The following TLK1 variants were observed in gnomAD, a reference collection of about 807,000 sequenced individuals.
TLK1 encodes the protein serine/threonine-protein kinase tousled-like 1.
A neutral mutation model predicts 105.3 loss-of-function variants in TLK1; 24 were observed. That is an observed-to-expected ratio of 0.23 (90% CI 0.17 to 0.32). The LOEUF is 0.32. Among genes scored for constraint, TLK1 ranks in the 10% least tolerant of loss-of-function variants. The pLI is 1.00. For synonymous variants in TLK1, 321 were observed against 310.4 expected (o/e 1.03, Z -0.36); for missense variants, 558 against 910.5 (o/e 0.61, Z 4.98).
At chr2:170,998,627 T>C (rs1290745002) in intron 18 of TLK1, among the ~76,000 whole-genome samples, 1 of 152,208 alleles carries the variant, frequency 6.6e-6, no homozygotes, top group East Asian at 1.9e-4. Flanking sequence ...AATGCCTCTA[T>C]TATGGCATTA....
intron 1 of TLK1, among the ~76,000 whole-genome samples, chr2:171,206,778 G>A (rs1369247677): frequency 1.3e-5 from 2 of 152,140 alleles, no homozygotes; most frequent in African/African-American, 4.8e-5. Flanking sequence ...ATCTACAGAT[G>A]GCAAATAAGC....
intron 1 of TLK1, among the ~76,000 whole-genome samples, chr2:171,221,341 G>A (rs1693806724): frequency 6.6e-6 from 1 of 152,168 alleles, no homozygotes; most frequent in African/African-American, 2.4e-5. Context: ...GTCAGAGCTG[G>A]ATGCTCGGCG....
At chr2:171,132,056 C>T (rs10208271) in intron 1 of TLK1, among the ~76,000 whole-genome samples, 2 of 151,906 alleles carry the variant, frequency 1.3e-5, no homozygotes, top group Non-Finnish European at 2.9e-5. Flanking sequence ...CCATTGTATT[C>T]GTCCGTTCTC....
intron 14 of TLK1, among the ~76,000 whole-genome samples, chr2:171,007,695 A>G (rs898098584): frequency 1.3e-5 from 2 of 152,074 alleles, no homozygotes; most frequent in South Asian, 2.1e-4. Flanking sequence ...CAACCAGAGT[A>G]TTATTAAAAC....
rs368048851 is a variant in TLK1, at chr2:171,170,602, G to A, written c.-5-52745C>T. On this transcript the variant is annotated intron_variant, in intron 1 of 20. Coordinates refer to the TLK1 transcript ENST00000521943. ...CCATCACACTCTGTCTTCTCCTCTG[G>A]TAGGTACTATAGAGACCAGATAATG... Among the ~76,000 whole-genome samples the A allele has an allele frequency of 2.8e-4, 43 of 152,322 alleles. No individual in the cohort carries two copies. In the East Asian group the frequency reaches 7.7e-3, roughly 27 times the overall value.
intron 3 of TLK1, among the ~76,000 whole-genome samples, chr2:171,080,804 C>T (rs1017740003): frequency 2.0e-5 from 3 of 151,670 alleles, no homozygotes; most frequent in Non-Finnish European, 2.9e-5. Context: ...ACTTCCTTGG[C>T]TCAAGTTACT....
chr2:170,995,518 T>C lies in TLK1; in HGVS notation c.2124+1135A>G, dbSNP rs1436493660. On this transcript the variant is annotated intron_variant, in intron 20 of 20. Transcript: ENST00000431350. ...TTGCCTTTGGCAACTCCACTCCTCC[T>C]GGTCTTTTCAGTCAGTATTAAACAA... Among the ~76,000 whole-genome samples the C allele has an allele frequency of 1.3e-5, 2 of 152,158 alleles. 1 individual carries two copies. The highest frequency in any genetic ancestry group is 2.9e-5 in the Non-Finnish European group (2 of 68,034).
chr2:171,080,879 T>C (rs1688721220), intron 3 of TLK1, among the ~76,000 whole-genome samples: 1 of 152,014 alleles, frequency 6.6e-6, no homozygotes, highest in African/African-American at 2.4e-5. Flanking sequence ...AGCTAACTTT[T>C]TGTGTTTCTT....
intron 1 of TLK1, among the ~76,000 whole-genome samples, chr2:171,183,972 G>A (rs1268159492): frequency 6.6e-6 from 1 of 152,114 alleles, no homozygotes; most frequent in Non-Finnish European, 1.5e-5. Context: ...TTCCAGATAT[G>A]GTTAGGATTG....
intron 1 of TLK1, among the ~76,000 whole-genome samples, chr2:171,179,038 A>G (rs1215849673): frequency 2.6e-5 from 4 of 152,118 alleles, no homozygotes; most frequent in Non-Finnish European, 5.9e-5. Context: ...TCATCTAATG[A>G]TGGGTTTGAA....
chr2:171,206,859 C>T lies in TLK1; in HGVS notation c.-6+24286G>A, dbSNP rs528242283. ...CTGAAACAACAATGAGATACCACTA[C>T]ACACCTATGAGAATGGGCAAAATTC... is the stretch of plus-strand genomic sequence containing the variant. On this transcript the variant is annotated intron_variant, in intron 1 of 20. Transcript: ENST00000521943. Among the ~76,000 whole-genome samples, 11 of 152,356 alleles carry T rather than the reference C, an allele frequency of 7.2e-5. No homozygotes were observed. In the South Asian group the frequency reaches 2.3e-3, roughly 32 times the overall value.
intron 1 of TLK1, among the ~76,000 whole-genome samples, chr2:171,133,274 GTATC>G (rs1691176206): frequency 6.6e-6 from 1 of 152,120 alleles, no homozygotes; most frequent in African/African-American, 2.4e-5. Flanking sequence ...GATAAGAAAA[GTATC>G]TAAGAGAGAA....
chr2:171,216,445 C>T (rs1011797960), intron 1 of TLK1, among the ~76,000 whole-genome samples: 1 of 152,170 alleles, frequency 6.6e-6, no homozygotes, highest in South Asian at 2.1e-4. Context: ...CACTGCACTC[C>T]AGCCTGGGCG....
intron 1 of TLK1, among the ~76,000 whole-genome samples, chr2:171,151,554 A>G (rs904471585): frequency 6.9e-6 from 1 of 144,410 alleles, no homozygotes; most frequent in African/African-American, 2.6e-5. Context: ...AGCTCACTGC[A>G]AGCTCTGCCT....
chr2:171,162,057 G>T (rs1269349604), upstream of TLK1, among the ~76,000 whole-genome samples: 2 of 151,768 alleles, frequency 1.3e-5, no homozygotes, highest in South Asian at 4.2e-4. Context: ...GTAATGTTTT[G>T]TTCAGATAAA....
intron 14 of TLK1, among the ~76,000 whole-genome samples, 184 bp downstream of exon 14, chr2:171,011,189 C>A (rs574271681): frequency 6.6e-6 from 1 of 151,908 alleles, no homozygotes; most frequent in East Asian, 1.9e-4. Flanking sequence ...TAAGTAGAGA[C>A]AAGGTCTCAC....
At chr2:171,031,536 C>G (rs1412491039) in intron 11 of TLK1, among the ~76,000 whole-genome samples, 3 of 152,032 alleles carry the variant, frequency 2.0e-5, no homozygotes, top group African/African-American at 7.3e-5. Flanking sequence ...TTCCCATAGA[C>G]TCATATCTGA....
At chr2:171,079,485 G>A (rs1688654660) in intron 3 of TLK1, among the ~76,000 whole-genome samples, 3 of 152,172 alleles carry the variant, frequency 2.0e-5, no homozygotes, top group African/African-American at 7.2e-5. Flanking sequence ...TATTCTCTGT[G>A]ATTGGGCAGA....
intron 4 of TLK1, among the ~76,000 whole-genome samples, chr2:171,060,544 TTTA>T (rs1177007443): frequency 1.3e-5 from 2 of 152,226 alleles, no homozygotes; most frequent in Non-Finnish European, 2.9e-5. Context: ...AAGAGCCCAA[TTTA>T]TTATATTTAA....
Sources: gnomAD v4.1 joint callset for allele counts (sites outside exome capture counted in the v4.1 genomes callset) on GRCh38, gnomAD v4.1.1 for gene constraint, MANE v1.5 for transcripts, NCBI Gene and HGNC (gene_info 2026-07-23, HGNC 2026-07-21) for gene names.